DGKB: variants seen among roughly 807,000 people sequenced by gnomAD.
DGKB encodes 90 kDa diacylglycerol kinase.
Under a neutral mutation model 114.3 loss-of-function variants are expected in DGKB, and 67 were observed. That is an observed-to-expected ratio of 0.59 (90% CI 0.48 to 0.72). The LOEUF (loss-of-function observed/expected upper bound fraction) is 0.72. DGKB is among the 30% of genes least tolerant of loss of function. The pLI, the probability that DGKB is intolerant of heterozygous loss-of-function variation, is 0.00. For synonymous variants in DGKB, 398 were observed against 323.1 expected (o/e 1.23, Z -2.49); for missense variants, 907 against 975.2 (o/e 0.93, Z 0.93).
intron 5 of DGKB, among the ~76,000 whole-genome samples, chr7:14,726,474 G>A (rs891382605): frequency 3.3e-5 from 5 of 152,054 alleles, no homozygotes; most frequent in African/African-American, 1.2e-4. Context: ...CTGTGAGGCT[G>A]GACAGAGAAA....
intron 21 of DGKB, among the ~76,000 whole-genome samples, chr7:14,430,755 T>A (rs992389519): frequency 2.0e-5 from 3 of 152,200 alleles, no homozygotes; most frequent in African/African-American, 7.2e-5. Context: ...ATAACTACTT[T>A]CACATTTCTG....
At chr7:14,477,491 T>C (rs1584255019) in intron 21 of DGKB, among the ~76,000 whole-genome samples, 2 of 152,186 alleles carry the variant, frequency 1.3e-5, no homozygotes, top group African/African-American at 4.8e-5. Flanking sequence ...CTGCCCCACT[T>C]TTCTAGGGGA....
intron 10 of DGKB, among the ~76,000 whole-genome samples, chr7:14,683,933 A>G (rs1821254223): frequency 6.6e-6 from 1 of 152,110 alleles, no homozygotes; most frequent in South Asian, 2.1e-4. Context: ...AATATCACTC[A>G]TCTTATTTGA....
chr7:14,354,291 TAA>T lies in DGKB; in HGVS notation c.1836-8902_1836-8901del, dbSNP rs1427479025. On this transcript the variant is annotated intron_variant, in intron 21 of 25. Transcript: ENST00000402815. ...TATTTAATTGAATTATATTCATAAA[TAA>T]AAAGTGTCCAACAAACAAAAATTGT... 3.3e-5 allele frequency among the ~76,000 whole-genome samples: 5 copies of T among 152,280 alleles called. No homozygotes were observed. In the East Asian group the frequency reaches 9.6e-4, roughly 29 times the overall value.
At chr7:14,441,560 CAT>C (rs1830096427) in intron 21 of DGKB, among the ~76,000 whole-genome samples, 1 of 152,034 alleles carries the variant, frequency 6.6e-6, no homozygotes, top group Admixed American at 6.6e-5. Context: ...ACTCTGGACT[CAT>C]AAATTGTTCT....
intron 1 of DGKB, among the ~76,000 whole-genome samples, chr7:14,956,266 G>C (rs1047358735): frequency 2.6e-5 from 4 of 151,882 alleles, no homozygotes; most frequent in Admixed American, 1.3e-4. Flanking sequence ...CATTTGAATA[G>C]TAGAATCCTC....
intron 21 of DGKB, among the ~76,000 whole-genome samples, chr7:14,449,720 C>T (rs1418256590): frequency 2.6e-5 from 4 of 152,102 alleles, no homozygotes; most frequent in Admixed American, 6.6e-5. Flanking sequence ...GTAACCTCCT[C>T]TCCAACATCT....
chr7:14,909,591 AT>A (rs1783882322), intron 1 of DGKB, among the ~76,000 whole-genome samples: 1 of 152,206 alleles, frequency 6.6e-6, no homozygotes, highest in Non-Finnish European at 1.5e-5. Context: ...TAGTATAAAA[AT>A]TTAAATCTGC....
chr7:14,274,231 T>C (rs953935265), intron 23 of DGKB, among the ~76,000 whole-genome samples: 8 of 152,220 alleles, frequency 5.3e-5, no homozygotes, highest in Non-Finnish European at 1.2e-4. Context: ...CTTGGCACTG[T>C]ACTCAGGAGA....
At chr7:14,480,695 T>C (rs957642273) in intron 20 of DGKB, among the ~76,000 whole-genome samples, 2 of 152,252 alleles carry the variant, frequency 1.3e-5, no homozygotes, top group Non-Finnish European at 2.9e-5. Flanking sequence ...GCACAAACTC[T>C]GAATTCAGAC....
intron 1 of DGKB, among the ~76,000 whole-genome samples, chr7:14,951,441 T>A (rs1786194989): frequency 6.6e-6 from 1 of 151,902 alleles, no homozygotes; most frequent in African/African-American, 2.4e-5. Context: ...TTATATAAGA[T>A]CCCGGAAAAG....
intron 20 of DGKB, among the ~76,000 whole-genome samples, chr7:14,518,510 G>A (rs1282560696): frequency 2.6e-5 from 4 of 151,736 alleles, no homozygotes; most frequent in Non-Finnish European, 5.9e-5. Flanking sequence ...CACATCTTGT[G>A]ATTCTTTAAG....
chr7:14,734,530 G>A (rs375671119), intron 5 of DGKB, among the ~76,000 whole-genome samples: 7 of 152,072 alleles, frequency 4.6e-5, no homozygotes, highest in African/African-American at 1.7e-4. Context: ...GTTTTCAAGA[G>A]GCTATATGAC....
intron 17 of DGKB, among the ~76,000 whole-genome samples, chr7:14,602,358 T>A (rs1803702021): frequency 6.6e-6 from 1 of 152,146 alleles, no homozygotes; most frequent in Non-Finnish European, 1.5e-5. Context: ...ATGTAATGTA[T>A]CTGTATGTAA....
intron 23 of DGKB, among the ~76,000 whole-genome samples, chr7:14,307,103 T>C (rs1160643785): frequency 7.9e-6 from 1 of 126,726 alleles, no homozygotes; most frequent in East Asian, 2.5e-4. Context: ...TTATTTCTAT[T>C]TGAATCTACC....
intron 1 of DGKB, among the ~76,000 whole-genome samples, chr7:14,858,222 G>A (rs1051413848): frequency 3.3e-5 from 5 of 152,116 alleles, no homozygotes; most frequent in African/African-American, 4.8e-5. Context: ...ATACAATGCT[G>A]CTTCGCTGGA....
At chr7:14,707,146 T>C (rs1161234099) in intron 6 of DGKB, among the ~76,000 whole-genome samples, 1 of 135,046 alleles carries the variant, frequency 7.4e-6, no homozygotes, top group African/African-American at 2.9e-5. Context: ...TCACCACCGA[T>C]TCCACAGAAA....
At chr7:14,862,460 T>C (rs762180448) in intron 1 of DGKB, among the ~76,000 whole-genome samples, 2 of 152,106 alleles carry the variant, frequency 1.3e-5, no homozygotes, top group Non-Finnish European at 2.9e-5. Flanking sequence ...TATGTTTATT[T>C]AGTGGTTATA....
At chr7:14,166,515 C>A (rs191846457) in intron 25 of DGKB, among the ~76,000 whole-genome samples, 6 of 152,228 alleles carry the variant, frequency 3.9e-5, no homozygotes, top group Admixed American at 1.3e-4. Flanking sequence ...TTAGCCAGAT[C>A]TCAAAATAGT....
Sources: gnomAD v4.1 joint callset for allele counts (sites outside exome capture counted in the v4.1 genomes callset) on GRCh38, gnomAD v4.1.1 for gene constraint, MANE v1.5 for transcripts, NCBI Gene and HGNC (gene_info 2026-07-23, HGNC 2026-07-21) for gene names.